USP32: variants seen among roughly 807,000 people sequenced by gnomAD.
The protein encoded by USP32 is ubiquitin specific peptidase 32, also known as ubiquitin carboxyl-terminal hydrolase 32.
In USP32, 59 loss-of-function variants were observed where a neutral mutation model predicts 204.8. The ratio of observed to expected loss-of-function variants is 0.29; its 90% CI spans 0.23 to 0.36. The LOEUF is 0.36. USP32 is among the 10% of genes least tolerant of loss of function. USP32 has a pLI of 1.00. For missense variants in USP32, 1,160 were observed against 1,946.4 expected (o/e 0.60, Z 7.60); for synonymous variants, 517 against 678.4 (o/e 0.76, Z 3.70).
chr17:60,221,010 C>T (rs2085232812), intron 15 of USP32, among the ~76,000 whole-genome samples: 1 of 152,006 alleles, frequency 6.6e-6, no homozygotes, highest in Non-Finnish European at 1.5e-5. Context: ...GGTGACCAGG[C>T]TTTATTTTCC....
chr17:60,333,713 G>A (rs1374122146), intron 2 of USP32, among the ~76,000 whole-genome samples: 1 of 150,804 alleles, frequency 6.6e-6, no homozygotes, highest in African/African-American at 2.4e-5. Context: ...GAGGGGAGGG[G>A]GAAGAAGAGG....
At chr17:60,315,551 A>G (rs1465480473) in intron 2 of USP32, among the ~76,000 whole-genome samples, 2 of 152,260 alleles carry the variant, frequency 1.3e-5, no homozygotes, top group Non-Finnish European at 2.9e-5. Flanking sequence ...AGGTAAACAT[A>G]GAATTACCAT....
chr17:60,369,465 T>TC (rs2089395479), intron 1 of USP32, among the ~76,000 whole-genome samples: 1 of 146,524 alleles, frequency 6.8e-6, no homozygotes, highest in Non-Finnish European at 1.5e-5. Flanking sequence ...TTTACTACAC[T>TC]CCAAGATAAA....
chr17:60,387,846 GTAATT>G (rs1400971720), intron 1 of USP32, among the ~76,000 whole-genome samples: 2 of 152,132 alleles, frequency 1.3e-5, no homozygotes, highest in East Asian at 1.9e-4. Flanking sequence ...AAAATCTCAT[GTAATT>G]TATTAGTGTA....
At chr17:60,288,138 A>T (rs868197836) in intron 5 of USP32, among the ~76,000 whole-genome samples, 46 of 145,544 alleles carry the variant, frequency 3.2e-4, no homozygotes, top group Non-Finnish European at 4.5e-5. Flanking sequence ...AAAAAAAAAA[A>T]AAGTCTTGGC....
intron 2 of USP32, among the ~76,000 whole-genome samples, chr17:60,341,635 C>T (rs2088660495): frequency 6.6e-6 from 1 of 152,104 alleles, no homozygotes; most frequent in South Asian, 2.1e-4. Flanking sequence ...TGTCTTCTTG[C>T]TTTATTTCAT....
chr17:60,391,525 G>A (rs943836663), intron 1 of USP32, among the ~76,000 whole-genome samples: 3 of 152,142 alleles, frequency 2.0e-5, no homozygotes, highest in African/African-American at 7.2e-5. Flanking sequence ...GGAATGATAG[G>A]AGAAAATGGC....
chr17:60,283,106 G>A (rs1025556150), intron 5 of USP32, among the ~76,000 whole-genome samples: 2 of 152,224 alleles, frequency 1.3e-5, no homozygotes, highest in African/African-American at 2.4e-5. Context: ...AGAAAAGGCA[G>A]CATCTGAATT....
At chr17:60,315,986 A>C (rs1477046160) in intron 2 of USP32, 6 of 170,266 alleles carry the variant, frequency 3.5e-5, no homozygotes, top group Non-Finnish European at 1.2e-5. Flanking sequence ...GTGACACTGA[A>C]CCTTATCACA....
chr17:60,383,353 G>T (rs936142633), intron 1 of USP32, among the ~76,000 whole-genome samples: 4 of 151,532 alleles, frequency 2.6e-5, no homozygotes, highest in Admixed American at 2.6e-4. Context: ...TTTACCCCCC[G>T]ATCTGACAAA....
chr17:60,261,675 C>T (rs1193198332), intron 9 of USP32, among the ~76,000 whole-genome samples: 1 of 150,998 alleles, frequency 6.6e-6, no homozygotes, highest in East Asian at 1.9e-4. Flanking sequence ...AAAACAAAAA[C>T]AAAAAAACAA....
chr17:60,422,342 C>A, exon 1 of USP32: 2 of 912,002 alleles, frequency 2.2e-6, no homozygotes, highest in Non-Finnish European at 3.1e-6. Context: ...CTTCGCTCGA[C>A]CCCGCACATC....
At chr17:60,205,767 C>T in intron 25 of USP32, 109 bp from the exon 26 acceptor site, 4 of 1,116,898 alleles carry the variant, frequency 3.6e-6, no homozygotes, top group Admixed American at 5.6e-5. Context: ...TAACACAGGG[C>T]AGGGAGAAAT....
intron 7 of USP32, 146 bp downstream of exon 7, chr17:60,269,304 G>GT: frequency 3.2e-6 from 2 of 626,894 alleles, no homozygotes; most frequent in Non-Finnish European, 5.4e-6. Context: ...AGTGACCTCA[G>GT]TAAAACCCTA....
At chr17:60,253,595 G>A (rs564514013) in intron 10 of USP32, among the ~76,000 whole-genome samples, 31 of 151,846 alleles carry the variant, frequency 2.0e-4, no homozygotes, top group Non-Finnish European at 2.9e-4. Flanking sequence ...GTGAAACCTC[G>A]TCTCTACTAA....
chr17:60,222,911 A>C lies in USP32; in HGVS notation c.1609-362T>G, dbSNP rs188254162. On this transcript the variant is annotated intron_variant, in intron 14 of 33. Transcript: ENST00000300896. Reference sequence around the variant, plus strand: ...TGGCCAGGCTGGTCTCAAACTCCTAACCTCAGGTGATCTGCCCACCTCAGC... The same window carrying C: ...TGGCCAGGCTGGTCTCAAACTCCTACCCTCAGGTGATCTGCCCACCTCAGC... Among the ~76,000 whole-genome samples, 765 of 151,786 alleles carry C rather than the reference A, an allele frequency of 5.0e-3. 2 individuals are homozygous for C. The highest frequency in any genetic ancestry group is 8.5e-3 in the Non-Finnish European group (577 of 67,912).
Position 60,361,707 on chromosome 17 carries a change from G to A in USP32, c.59-16099C>T, listed in dbSNP as rs144234740. On this transcript the variant is annotated intron_variant, in intron 1 of 33. Transcript: ENST00000300896. ...AACCTATCCTGTATAGCCTATCTAA[G>A]GGTAGCTGTTTAAATAATGAAGAAA... Among the ~76,000 whole-genome samples the A allele has an allele frequency of 4.2e-3, 644 of 152,214 alleles. 5 individuals are homozygous for A. Among genetic ancestry groups the A allele is most frequent in the African/African-American group, 0.015 (616 of 41,540 alleles).
chr17:60,253,760 C>T (rs1324495083), intron 10 of USP32, among the ~76,000 whole-genome samples: 2 of 152,032 alleles, frequency 1.3e-5, no homozygotes, highest in Non-Finnish European at 2.9e-5. Context: ...GAGCAAGACT[C>T]TGTCTCTAAA....
chr17:60,338,470 T>A (rs1364775140), intron 2 of USP32, among the ~76,000 whole-genome samples: 3 of 152,146 alleles, frequency 2.0e-5, no homozygotes, highest in Non-Finnish European at 4.4e-5. Flanking sequence ...GTAGCGCACA[T>A]CTGTAATCCC....
Sources: allele counts gnomAD v4.1 joint callset (sites outside exome capture counted in the v4.1 genomes callset), GRCh38; gene constraint gnomAD v4.1.1; transcripts MANE v1.5; gene names NCBI Gene and HGNC (gene_info 2026-07-23, HGNC 2026-07-21).